Variants in FNDC3B observed in about 807,000 individuals in gnomAD.
FNDC3B encodes fibronectin type III domain containing 3B, also known as fibronectin type III domain-containing protein 3B.
In FNDC3B, 12 loss-of-function variants were observed where a neutral mutation model predicts 151.5. That is an observed-to-expected ratio of 0.08 (90% CI 0.05 to 0.13). FNDC3B has a LOEUF of 0.13. Among genes scored for constraint, FNDC3B ranks in the 10% least tolerant of loss-of-function variants. The pLI is 1.00. For missense variants in FNDC3B, 1,214 were observed against 1,505.3 expected, an observed-to-expected ratio of 0.81 and a Z score of 3.20; for synonymous variants, 528 against 549.0, an observed-to-expected ratio of 0.96 and a Z score of 0.54.
At chr3:172,062,754 C>T (rs183763688) in intron 1 of FNDC3B, among the ~76,000 whole-genome samples, 1 of 151,976 alleles carries the variant, frequency 6.6e-6, no homozygotes, top group Admixed American at 6.6e-5. Flanking sequence ...ATCCATCTAT[C>T]CATCCATCCA....
At chr3:172,227,960 G>T (rs1726674849) in intron 4 of FNDC3B, among the ~76,000 whole-genome samples, 2 of 152,176 alleles carry the variant, frequency 1.3e-5, no homozygotes, top group Admixed American at 1.3e-4. Context: ...AGGAATCAAA[G>T]ATTTATCCTT....
chr3:172,237,514 A>G (rs1345049053), intron 4 of FNDC3B: 1 of 151,970 alleles, frequency 6.6e-6, no homozygotes, highest in African/African-American at 2.4e-5. Flanking sequence ...GCAGGTCAAA[A>G]CTCCTATGCT....
chr3:172,353,176 T>G (rs1733940770), intron 22 of FNDC3B, 93 bp downstream of exon 22: 1 of 1,218,996 alleles, frequency 8.2e-7, no homozygotes, highest in African/African-American at 1.5e-5. Context: ...GGATGTCATC[T>G]CCCAGCTGTT....
intron 23 of FNDC3B, among the ~76,000 whole-genome samples, chr3:172,365,928 T>C (rs2108348430): frequency 6.6e-6 from 1 of 152,348 alleles, no homozygotes; most frequent in African/African-American, 2.4e-5. Context: ...CTTAATTCAT[T>C]AAATAAAGGG....
In FNDC3B at chr3:172,040,011, G is replaced by A. The variant is rs572515561; in HGVS notation, c.-29+240G>A. Among the ~76,000 whole-genome samples, 3 of 152,160 alleles carry A rather than the reference G, an allele frequency of 2.0e-5. No individual in the cohort carries two copies. The highest frequency in any genetic ancestry group is 6.5e-5 in the Admixed American group (1 of 15,288). On this transcript the variant is annotated intron_variant, in intron 1 of 25. Transcript: ENST00000415807. This position sits in a 1 kb window ranked among gnomAD's most constrained non-coding sequence, Gnocchi z 6.6. ...GGGCGGCCCCCGCCTTGCTGGGCTG[G>A]GGTCCCCCGCCTGTGCCCCCTGCCT...
chr3:172,108,269 A>G (rs1719770225), intron 1 of FNDC3B, among the ~76,000 whole-genome samples: 2 of 152,184 alleles, frequency 1.3e-5, no homozygotes, highest in African/African-American at 2.4e-5. Flanking sequence ...TTATGACTGA[A>G]TACAGTATTC....
intron 5 of FNDC3B, among the ~76,000 whole-genome samples, chr3:172,250,999 G>A (rs962063883): frequency 1.3e-5 from 2 of 152,016 alleles, no homozygotes; most frequent in African/African-American, 2.4e-5. Context: ...TGTATTTTTA[G>A]TAGGGATGGG....
chr3:172,179,911 G>A (rs1723803153), intron 3 of FNDC3B, among the ~76,000 whole-genome samples: 1 of 149,968 alleles, frequency 6.7e-6, no homozygotes, highest in African/African-American at 2.5e-5. Flanking sequence ...ATTTTACTGG[G>A]CCTTAGTTTC....
Position 172,112,586 on chromosome 3 carries a change from A to C in FNDC3B, c.107A>C (p.Gln36Pro), listed in dbSNP as rs1300797175. ...MPHLVNGDAA[Q>P]QVILVQVNPG... is the part of the protein sequence containing the mutation. ...CACTTGGTGAATGGAGATGCAGCTC[A>C]GCAGGTTGGTGTAGGAAGAGGGAAA... Residue 36 changes from glutamine to proline, a missense_variant, in exon 2 of 26, where the codon CAG (glutamine) becomes CCG (proline). Transcript: ENST00000415807. 3.1e-6 allele frequency: 5 copies of C among 1,608,348 alleles called. No homozygotes were observed. In the South Asian group the frequency reaches 5.5e-5, roughly 18 times the overall value.
chr3:172,092,263 A>G (rs1718874098), intron 1 of FNDC3B, among the ~76,000 whole-genome samples: 2 of 152,102 alleles, frequency 1.3e-5, no homozygotes, highest in African/African-American at 4.8e-5. Context: ...TTCAAGCTAA[A>G]CGATTGACTT....
At chr3:172,043,372 C>T (rs1203121059) in intron 1 of FNDC3B, among the ~76,000 whole-genome samples, 2 of 152,148 alleles carry the variant, frequency 1.3e-5, no homozygotes, top group Non-Finnish European at 2.9e-5. Context: ...GACAGACTCT[C>T]GCTCTGTTAC....
chr3:172,218,134 GAAAAAAAAAAAA>G (rs57576493), intron 3 of FNDC3B, among the ~76,000 whole-genome samples: 2 of 62,720 alleles, frequency 3.2e-5, no homozygotes, highest in East Asian at 9.3e-4. Context: ...CGACTTTCAG[GAAAAAAAAAAAA>G]AAAAAAAAAA....
At chr3:172,079,901 C>G (rs967351275) in intron 1 of FNDC3B, among the ~76,000 whole-genome samples, 2 of 18,886 alleles carry the variant, frequency 1.1e-4, no homozygotes, top group Non-Finnish European at 2.3e-4. Flanking sequence ...AACTGAAACC[C>G]TATGAGGCTG....
intron 22 of FNDC3B, among the ~76,000 whole-genome samples, chr3:172,353,462 C>G (rs1733951399): frequency 1.3e-5 from 2 of 152,200 alleles, no homozygotes; most frequent in Admixed American, 1.3e-4. Flanking sequence ...GATGGTAAAA[C>G]TTTTAAGATT....
At chr3:172,351,526 A>C (rs887268433) in intron 21 of FNDC3B, among the ~76,000 whole-genome samples, 1 of 152,312 alleles carries the variant, frequency 6.6e-6, no homozygotes, top group South Asian at 2.1e-4. Flanking sequence ...AAGAACTTCA[A>C]AGTTTTTTCT....
Position 172,179,391 on chromosome 3 carries a change from T to A in FNDC3B, c.187+45845T>A, listed in dbSNP as rs535089415. Among the ~76,000 whole-genome samples the A allele has an allele frequency of 2.1e-4, 32 of 152,270 alleles. No homozygotes were observed. The East Asian group carries it at 6.0e-3, about 28-fold the overall frequency. ...CTGTTTATAACTATTATGCTCAAGG[T>A]AAATGTAGAATGTAGAAATTAAGGT... On this transcript the variant is annotated intron_variant, in intron 3 of 25. Transcript: ENST00000415807.
intron 22 of FNDC3B, among the ~76,000 whole-genome samples, chr3:172,359,322 T>C (rs1193216925): frequency 1.3e-5 from 2 of 152,192 alleles, no homozygotes; most frequent in Non-Finnish European, 2.9e-5. Flanking sequence ...TACCTCATTT[T>C]CTTTTGTGTA....
rs1015554419 is a variant in FNDC3B, at chr3:172,352,284, T to C, written c.2515-519T>C. ...GGTAAAATCAGATAAGCGCTGACGA[T>C]TGACTTCAGGGATGAGTTTATTATT... On this transcript the variant is annotated intron_variant, in intron 21 of 25. Coordinates refer to ENST00000415807, the MANE Select transcript of FNDC3B (RefSeq NM_022763.4). This position sits in a 1 kb window ranked among gnomAD's most constrained non-coding sequence, Gnocchi z 4.2. 6.6e-6 allele frequency among the ~76,000 whole-genome samples: 1 copy of C among 152,166 alleles called. No individual in the cohort carries two copies. The highest frequency in any genetic ancestry group is 1.5e-5 in the Non-Finnish European group (1 of 68,024).
At chr3:172,261,343 T>C (rs1728638043) in intron 6 of FNDC3B, among the ~76,000 whole-genome samples, 1 of 152,224 alleles carries the variant, frequency 6.6e-6, no homozygotes, top group African/African-American at 2.4e-5. Flanking sequence ...ACATCGATTT[T>C]GTCATTGCTT....
Sources: gnomAD v4.1 joint callset for allele counts (sites outside exome capture counted in the v4.1 genomes callset) on GRCh38, gnomAD v4.1.1 for gene constraint, Gnocchi (gnomAD v3.1) non-coding constraint, MANE v1.5 for transcripts, NCBI Gene and HGNC (gene_info 2026-07-23, HGNC 2026-07-21) for gene names.